Variants in RPS6KC1 observed in about 807,000 individuals in gnomAD.
RPS6KC1 encodes the protein ribosomal protein S6 kinase C1.
In RPS6KC1, 54 loss-of-function variants were observed where a neutral mutation model predicts 103.8. The ratio of observed to expected loss-of-function variants is 0.52; its 90% CI spans 0.42 to 0.65. RPS6KC1 has a LOEUF of 0.65. Among genes scored for constraint, RPS6KC1 ranks in the 30% least tolerant of loss-of-function variants. The pLI, the probability that RPS6KC1 is intolerant of heterozygous loss-of-function variation, is 0.00. For missense variants in RPS6KC1, 1,151 were observed against 1,253.8 expected (o/e 0.92, Z 1.24); for synonymous variants, 439 against 438.7 (o/e 1.00, Z -0.01).
At chr1:213,118,074 G>C (rs2083906316) in intron 5 of RPS6KC1, among the ~76,000 whole-genome samples, 1 of 132,772 alleles carries the variant, frequency 7.5e-6, no homozygotes, top group African/African-American at 2.8e-5. Flanking sequence ...CTGACTTTTA[G>C]AGAACTAATT....
At chr1:213,156,948 T>G (rs1204901949) in intron 6 of RPS6KC1, among the ~76,000 whole-genome samples, 1 of 152,142 alleles carries the variant, frequency 6.6e-6, no homozygotes, top group East Asian at 1.9e-4. Context: ...TTTCACTGTT[T>G]TATATGGTTT....
At chr1:213,641,314 G>A in the RPS6KC1 span, among the ~76,000 whole-genome samples, 2 of 151,956 alleles carry the variant, frequency 1.3e-5, no homozygotes, top group African/African-American at 4.8e-5. Context: ...GTCATATACT[G>A]AGTAATTTTG....
At chr1:213,325,799 A>G in the RPS6KC1 span, among the ~76,000 whole-genome samples, 2 of 152,252 alleles carry the variant, frequency 1.3e-5, no homozygotes, top group African/African-American at 2.4e-5. Context: ...TCCTGCTCAC[A>G]AACCTTGGTC....
At chr1:213,832,177 A>G in the RPS6KC1 span, among the ~76,000 whole-genome samples, 3 of 152,182 alleles carry the variant, frequency 2.0e-5, no homozygotes, top group African/African-American at 4.8e-5. Flanking sequence ...GAATCTGCCT[A>G]CTGTGTTGGC....
the RPS6KC1 span, among the ~76,000 whole-genome samples, chr1:213,788,590 A>G: frequency 6.6e-6 from 1 of 152,128 alleles, no homozygotes; most frequent in Non-Finnish European, 1.5e-5. Flanking sequence ...AGCAGCTGTG[A>G]TGGAAATGAG....
At chr1:213,639,611 T>C in the RPS6KC1 span, among the ~76,000 whole-genome samples, 1 of 152,074 alleles carries the variant, frequency 6.6e-6, no homozygotes, top group Non-Finnish European at 1.5e-5. Flanking sequence ...CTATTATAAA[T>C]AGATGTTGTA....
the RPS6KC1 span, among the ~76,000 whole-genome samples, chr1:213,620,314 G>A: frequency 6.6e-6 from 1 of 152,216 alleles, no homozygotes; most frequent in Non-Finnish European, 1.5e-5. Context: ...CTGGTTTCTG[G>A]GGTCCAAAGT....
the RPS6KC1 span, among the ~76,000 whole-genome samples, chr1:213,572,513 T>C: frequency 6.6e-6 from 1 of 152,264 alleles, no homozygotes; most frequent in East Asian, 1.9e-4. Context: ...ATGTTCCAGT[T>C]ATGTTGAAAT....
chr1:213,121,865 A>G (rs2084426199), intron 5 of RPS6KC1, among the ~76,000 whole-genome samples: 1 of 152,188 alleles, frequency 6.6e-6, no homozygotes. Context: ...TATTGTATGT[A>G]GCATATCTTA....
At chr1:213,646,882 C>CATATAT in the RPS6KC1 span, among the ~76,000 whole-genome samples, 39,481 of 146,804 alleles carry the variant, frequency 0.27, 5,567 homozygotes, top group Non-Finnish European at 0.34. Context: ...TGTGTGTATG[C>CATATAT]ATATATATAT....
chr1:213,841,597 T>TC, the RPS6KC1 span, among the ~76,000 whole-genome samples: 5 of 152,126 alleles, frequency 3.3e-5, no homozygotes, highest in African/African-American at 1.2e-4. Flanking sequence ...CCTCACTTCC[T>TC]CCCCCAATCC....
At chr1:213,216,580 A>G (rs985198592) in intron 8 of RPS6KC1, among the ~76,000 whole-genome samples, 12 of 152,212 alleles carry the variant, frequency 7.9e-5, no homozygotes, top group African/African-American at 2.9e-4. Flanking sequence ...TTTTTTCAGC[A>G]CCACACCACA....
the RPS6KC1 span, among the ~76,000 whole-genome samples, chr1:213,744,315 A>T: frequency 3.3e-5 from 5 of 152,312 alleles, no homozygotes; most frequent in Admixed American, 2.6e-4. Context: ...AAAAAAAATA[A>T]AAAAAACCTC....
At chr1:213,824,313 C>G in the RPS6KC1 span, among the ~76,000 whole-genome samples, 291 of 152,322 alleles carry the variant, frequency 1.9e-3, no homozygotes, top group African/African-American at 6.8e-3. Context: ...TGCCTCACAT[C>G]TTCAAGTGAA....
the RPS6KC1 span, among the ~76,000 whole-genome samples, chr1:213,497,346 A>G: frequency 1.1e-4 from 16 of 151,966 alleles, no homozygotes; most frequent in Non-Finnish European, 2.4e-4. Flanking sequence ...GTGACCATAA[A>G]GCAATAAAAA....
At chr1:213,154,719 C>G (rs2089673154) in intron 6 of RPS6KC1, among the ~76,000 whole-genome samples, 1 of 152,226 alleles carries the variant, frequency 6.6e-6, no homozygotes. Flanking sequence ...ATTGGGGCAC[C>G]TTAAGTGCCC....
the RPS6KC1 span, among the ~76,000 whole-genome samples, chr1:213,707,974 A>G: frequency 2.0e-5 from 3 of 152,144 alleles, no homozygotes; most frequent in Non-Finnish European, 2.9e-5. Context: ...GTCAGGTAGC[A>G]TGATGCCTCC....
the RPS6KC1 span, among the ~76,000 whole-genome samples, chr1:213,484,303 T>A: frequency 6.6e-6 from 1 of 152,212 alleles, no homozygotes; most frequent in Non-Finnish European, 1.5e-5. Context: ...TTCACAAGGT[T>A]CCAATCATGG....
intron 3 of RPS6KC1, among the ~76,000 whole-genome samples, chr1:213,080,314 C>T (rs2079756813): frequency 6.6e-6 from 1 of 152,096 alleles, no homozygotes; most frequent in Non-Finnish European, 1.5e-5. Flanking sequence ...TGTATTATTA[C>T]ATAATATTTT....
Sources: gnomAD v4.1 joint callset for allele counts (sites outside exome capture counted in the v4.1 genomes callset) on GRCh38, gnomAD v4.1.1 for gene constraint, MANE v1.5 for transcripts, NCBI Gene and HGNC (gene_info 2026-07-23, HGNC 2026-07-21) for gene names.